DPP10: variants seen among roughly 807,000 people sequenced by gnomAD.
DPP10 encodes the protein dipeptidyl peptidase like 10, also known as inactive dipeptidyl peptidase 10.
DPP10 carries 33 observed loss-of-function variants against 120.9 expected under a neutral mutation model. The observed-to-expected ratio is 0.27, with a 90% CI of 0.21 to 0.37. The LOEUF (loss-of-function observed/expected upper bound fraction) is 0.37. DPP10 is among the 10% of genes least tolerant of loss of function. The pLI is 1.00. For missense variants in DPP10, 816 were observed against 942.8 expected (o/e 0.87, Z 1.76); for synonymous variants, 337 against 326.1 (o/e 1.03, Z -0.36).
chr2:114,835,440 T>G (rs190201257), intron 1 of DPP10: 24 of 152,276 alleles, frequency 1.6e-4, no homozygotes, highest in African/African-American at 5.8e-4. Context: ...TACACACCTA[T>G]GTATATATAA....
At chr2:115,452,703 C>G (rs766052928) in intron 3 of DPP10, among the ~76,000 whole-genome samples, 1 of 151,692 alleles carries the variant, frequency 6.6e-6, no homozygotes, top group Non-Finnish European at 1.5e-5. Context: ...TGGGAGTGGC[C>G]CCTGTAAGTA....
chr2:115,307,221 T>G (rs2061393008), intron 1 of DPP10, among the ~76,000 whole-genome samples: 1 of 152,118 alleles, frequency 6.6e-6, no homozygotes, highest in Non-Finnish European at 1.5e-5. Context: ...ATATATAAGC[T>G]ATTATTACTC....
chr2:114,854,920 T>A (rs1449593725), intron 1 of DPP10, among the ~76,000 whole-genome samples: 3 of 152,170 alleles, frequency 2.0e-5, no homozygotes, highest in Non-Finnish European at 4.4e-5. Flanking sequence ...TTATAGAACC[T>A]TGTCTCAACC....
intron 5 of DPP10, among the ~76,000 whole-genome samples, chr2:115,556,681 A>G (rs1424487429): frequency 6.6e-6 from 1 of 152,152 alleles, no homozygotes; most frequent in Non-Finnish European, 1.5e-5. Flanking sequence ...GTCTTAACCA[A>G]TAACTATTTC....
rs1311108288 is a variant in DPP10 at position 115,843,741 on chromosome 2, G to A, written c.*1396G>A. ...AGAACATTTAACTTTGGTGACTAAA[G>A]TCAGAATATCTTCTCACTTCACTTA... On this transcript the variant is annotated 3_prime_UTR_variant, in exon 26 of 26. Coordinates refer to ENST00000410059, the MANE Select transcript of DPP10 (RefSeq NM_020868.6). The A allele has an allele frequency of 6.6e-6, 1 of 152,226 alleles. No individual in the cohort carries two copies. Among genetic ancestry groups the A allele is most frequent in the Non-Finnish European group, 1.5e-5 (1 of 68,016 alleles). The allele number at this position is 152,226 out of a possible 1,614,324, so 9.4% of individuals were successfully genotyped here. A position where few individuals can be genotyped will look rare whatever the true frequency, so the allele number is the denominator to read the frequency against.
At chr2:115,840,281 A>G (rs1689955362) in intron 24 of DPP10, among the ~76,000 whole-genome samples, 1 of 134,370 alleles carries the variant, frequency 7.4e-6, no homozygotes. Context: ...ATTTGTATTT[A>G]CCAGCTTTCT....
chr2:114,995,209 G>T (rs1168028361), intron 1 of DPP10, among the ~76,000 whole-genome samples: 1 of 152,152 alleles, frequency 6.6e-6, no homozygotes, highest in Non-Finnish European at 1.5e-5. Context: ...CTCAGCCGTG[G>T]CCATCCTGGA....
chr2:115,280,356 G>A lies in DPP10; in HGVS notation c.61-28883G>A, dbSNP rs563814505. On this transcript the variant is annotated intron_variant, in intron 1 of 25. Coordinates refer to ENST00000410059, the MANE Select transcript of DPP10 (RefSeq NM_020868.6). The stretch of plus-strand genomic sequence containing the variant: ...AATATATTGGAAGCCTTGAATATGA[G>A]GCTGAGTAATGCAAGCTTTTCCCAG... 7.2e-5 allele frequency among the ~76,000 whole-genome samples: 11 copies of A among 152,228 alleles called. No homozygotes were observed. In the South Asian group the frequency reaches 1.9e-3, roughly 26 times the overall value.
intron 1 of DPP10, among the ~76,000 whole-genome samples, chr2:114,821,224 C>A (rs924225585): frequency 6.6e-6 from 1 of 152,112 alleles, no homozygotes; most frequent in Non-Finnish European, 1.5e-5. Flanking sequence ...CCACCCTAGC[C>A]TGTTGATATG....
At position 114,893,394 on chromosome 2, in the gene DPP10, G is replaced by A. The variant is rs1416958209; in HGVS notation, c.61-415845G>A. 6.6e-5 allele frequency among the ~76,000 whole-genome samples: 10 copies of A among 152,242 alleles called. No individual in the cohort carries two copies. The East Asian group carries it at 1.9e-3, about 29-fold the overall frequency. ...AAGAAACCTCATTCCTAGCCAAGAC[G>A]TATAGGCGGTGATTTCAGGAACATG... is the stretch of plus-strand genomic sequence containing the variant. On this transcript the variant is annotated intron_variant, in intron 1 of 25. Coordinates refer to ENST00000410059, the MANE Select transcript of DPP10 (RefSeq NM_020868.6).
chr2:115,051,714 A>T (rs952762331), intron 1 of DPP10, among the ~76,000 whole-genome samples: 1 of 152,204 alleles, frequency 6.6e-6, no homozygotes, highest in African/African-American at 2.4e-5. Flanking sequence ...TGGCAGTAAC[A>T]TAAAGTTTCA....
chr2:114,691,990 A>G (rs1307136660), intron 1 of DPP10, among the ~76,000 whole-genome samples: 1 of 151,568 alleles, frequency 6.6e-6, no homozygotes, highest in African/African-American at 2.4e-5. Flanking sequence ...CTTTATTAGT[A>G]TAGCTAGTGG....
intron 1 of DPP10, among the ~76,000 whole-genome samples, chr2:115,233,635 C>T (rs2057850581): frequency 6.6e-6 from 1 of 152,136 alleles, no homozygotes; most frequent in Non-Finnish European, 1.5e-5. Context: ...TTCTTAGGGA[C>T]TCTGGGTCTC....
At chr2:115,340,554 A>G (rs1468186598) in intron 2 of DPP10, among the ~76,000 whole-genome samples, 4 of 152,062 alleles carry the variant, frequency 2.6e-5, no homozygotes, top group African/African-American at 7.2e-5. Flanking sequence ...TTTAAAGCTC[A>G]CATGAAAGAT....
In DPP10 at chr2:114,738,502, CTGGG is replaced by C. The variant is rs1677686675; in HGVS notation, c.60+295665_60+295668del. 2.6e-5 allele frequency among the ~76,000 whole-genome samples: 4 copies of C among 152,244 alleles called. No individual in the cohort carries two copies. The South Asian group carries it at 8.3e-4, about 32-fold the overall frequency. Reference sequence around the variant, plus strand: ...CTATCTCTAGTGGAAAAAATAAAGCCTGGGACACAGAGTGGCTCAAAGGGGAGCA... The same window carrying C: ...CTATCTCTAGTGGAAAAAATAAAGCCACACAGAGTGGCTCAAAGGGGAGCA... On this transcript the variant is annotated intron_variant, in intron 1 of 25. Coordinates refer to ENST00000410059, the MANE Select transcript of DPP10 (RefSeq NM_020868.6).
rs953468196 is a variant in DPP10 at position 114,954,281 on chromosome 2, C to T, written c.61-354958C>T. 1.4e-4 allele frequency among the ~76,000 whole-genome samples: 21 copies of T among 152,078 alleles called. No homozygotes were observed. The East Asian group carries it at 4.1e-3, about 29-fold the overall frequency. ...GTATTTTTTAGTAGAGACAGGGTTT[C>T]ACCGTGTTAGCCAGGATGGTCTTGA... is the stretch of plus-strand genomic sequence containing the variant. On this transcript the variant is annotated intron_variant, in intron 1 of 25. Transcript: ENST00000410059.
intron 5 of DPP10, among the ~76,000 whole-genome samples, chr2:115,573,431 C>T (rs1256280682): frequency 6.6e-5 from 10 of 150,840 alleles, no homozygotes; most frequent in Admixed American, 2.6e-4. Context: ...TACAGGCGCC[C>T]GCCACCACGC....
At chr2:114,874,584 T>A (rs1690991507) in intron 1 of DPP10, among the ~76,000 whole-genome samples, 1 of 151,938 alleles carries the variant, frequency 6.6e-6, no homozygotes, top group African/African-American at 2.4e-5. Flanking sequence ...TGACTCTACA[T>A]TATGGTGAGT....
intron 1 of DPP10, among the ~76,000 whole-genome samples, chr2:114,825,881 GGA>G (rs1005471403): frequency 2.6e-5 from 4 of 152,174 alleles, no homozygotes; most frequent in African/African-American, 9.7e-5. Flanking sequence ...TACTGGTGAG[GGA>G]GAGAGATGAT....
Sources: allele counts gnomAD v4.1 joint callset (sites outside exome capture counted in the v4.1 genomes callset), GRCh38; gene constraint gnomAD v4.1.1; transcripts MANE v1.5; gene names NCBI Gene and HGNC (gene_info 2026-07-23, HGNC 2026-07-21).